The following ZNF385D variants were observed in gnomAD, a reference collection of about 807,000 sequenced individuals.
ZNF385D encodes zinc finger protein 385D.
Under a neutral mutation model 35.8 loss-of-function variants are expected in ZNF385D, and 15 were observed. The observed-to-expected ratio is 0.42, with a 90% CI of 0.28 to 0.64. The LOEUF (loss-of-function observed/expected upper bound fraction) is 0.64, where lower values mean the gene tolerates loss of function less well. ZNF385D is among the 30% of genes least tolerant of loss of function. ZNF385D has a pLI of 0.23. For synonymous variants in ZNF385D, 212 were observed against 186.8 expected, an observed-to-expected ratio of 1.13 and a Z score of -1.10; for missense variants, 474 against 494.6, an observed-to-expected ratio of 0.96 and a Z score of 0.39.
intron 3 of ZNF385D, among the ~76,000 whole-genome samples, chr3:21,858,576 G>T (rs1296982113): frequency 4.0e-5 from 6 of 151,668 alleles, no homozygotes; most frequent in South Asian, 2.1e-4. Context: ...CAGTGAGAAG[G>T]CACCGAATAT....
chr3:22,357,511 A>C (rs1197739864), intron 2 of ZNF385D, among the ~76,000 whole-genome samples: 1 of 151,942 alleles, frequency 6.6e-6, no homozygotes, highest in South Asian at 2.1e-4. Context: ...TTATGTCTTT[A>C]CAGTATTTTA....
chr3:21,660,829 TGATA>T (rs900194278), intron 2 of ZNF385D, among the ~76,000 whole-genome samples: 2 of 152,208 alleles, frequency 1.3e-5, no homozygotes, highest in Admixed American at 1.3e-4. Context: ...ACTGGGGCTC[TGATA>T]GATTTAGCCT....
At chr3:22,271,111 C>A (rs1311526377) in intron 2 of ZNF385D, among the ~76,000 whole-genome samples, 1 of 151,900 alleles carries the variant, frequency 6.6e-6, no homozygotes, top group African/African-American at 2.4e-5. Flanking sequence ...GCCATCTATC[C>A]ATAAATTCAG....
At chr3:21,896,028 C>T (rs951592244) in intron 3 of ZNF385D, among the ~76,000 whole-genome samples, 10 of 152,104 alleles carry the variant, frequency 6.6e-5, no homozygotes, top group Admixed American at 5.9e-4. Flanking sequence ...ACTTGGGCCA[C>T]ATTAAAGTAA....
chr3:21,691,305 C>T (rs2067277607), intron 1 of ZNF385D, among the ~76,000 whole-genome samples: 3 of 152,136 alleles, frequency 2.0e-5, no homozygotes, highest in South Asian at 4.1e-4. Context: ...TTAGCTGCTT[C>T]CTCTCTGCTA....
At chr3:22,344,867 CTATT>C (rs1354606598) in intron 2 of ZNF385D, among the ~76,000 whole-genome samples, 1 of 152,150 alleles carries the variant, frequency 6.6e-6, no homozygotes, top group South Asian at 2.1e-4. Flanking sequence ...ACCAACTAAA[CTATT>C]TAAACTTCAA....
intron 1 of ZNF385D, among the ~76,000 whole-genome samples, chr3:21,749,424 A>G (rs2125550780): frequency 6.6e-6 from 1 of 152,304 alleles, no homozygotes; most frequent in Non-Finnish European, 1.5e-5. Context: ...GAAAATATAA[A>G]CTAAAATTAT....
Position 22,097,665 on chromosome 3 carries a change from G to A in ZNF385D, c.325+71152C>T, listed in dbSNP as rs1406807829. Reference sequence around the variant, plus strand: ...GAAAGGCCAGTATGTGATTTTCATAGGTCCATACATGGGAAATCATGCAGA... The same window carrying A: ...GAAAGGCCAGTATGTGATTTTCATAAGTCCATACATGGGAAATCATGCAGA... On this transcript the variant is annotated intron_variant, in intron 3 of 5. Coordinates refer to the ZNF385D transcript ENST00000494108. Among the ~76,000 whole-genome samples, 6 of 152,036 alleles carry A rather than the reference G, an allele frequency of 3.9e-5. No homozygotes were observed. The East Asian group carries it at 1.2e-3, about 29-fold the overall frequency.
chr3:21,855,634 C>A (rs557691229), intron 3 of ZNF385D, among the ~76,000 whole-genome samples: 6 of 151,986 alleles, frequency 3.9e-5, no homozygotes, highest in Admixed American at 6.6e-5. Flanking sequence ...CCAATATAGA[C>A]CTGGAGCTCT....
In ZNF385D at chr3:21,510,925, G is replaced by C. The variant is rs1707155495; in HGVS notation, c.375C>G (p.Asp125Glu). Residue 125 changes from aspartate to glutamate, a missense_variant, in exon 4 of 8, where the codon GAC becomes GAG. Coordinates refer to ENST00000281523, the MANE Select transcript of ZNF385D (RefSeq NM_024697.3). The stretch of plus-strand genomic sequence containing the variant: ...TGGAGGTGAAGGTAGTCTTTGCGCT[G>C]TCCTTGGCAGTTACAGATTTCTGCT... Reference protein sequence around the residue: ...KNKQKSVTAKDSAKTTFTSIT... With the variant: ...KNKQKSVTAKESAKTTFTSIT... 1 of 1,614,024 alleles carries C rather than the reference G, an allele frequency of 6.2e-7. No homozygotes were observed. The highest frequency in any genetic ancestry group is 1.1e-5 in the South Asian group (1 of 91,088).
chr3:21,733,771 G>C (rs1225047934), intron 1 of ZNF385D, among the ~76,000 whole-genome samples: 1 of 152,114 alleles, frequency 6.6e-6, no homozygotes, highest in Non-Finnish European at 1.5e-5. Context: ...AGTGTAAGAA[G>C]TGAAATAGGA....
chr3:22,107,805 T>G (rs1386056490), intron 3 of ZNF385D, among the ~76,000 whole-genome samples: 3 of 152,028 alleles, frequency 2.0e-5, no homozygotes, highest in Non-Finnish European at 4.4e-5. Context: ...TTAATAGTGC[T>G]TGTTTATGTC....
chr3:21,864,089 G>T (rs1410243302), intron 3 of ZNF385D, among the ~76,000 whole-genome samples: 1 of 151,838 alleles, frequency 6.6e-6, no homozygotes, highest in African/African-American at 2.4e-5. Flanking sequence ...CTCTACCGAT[G>T]AATATAGTTG....
Position 22,107,184 on chromosome 3 carries a change from T to C in ZNF385D, c.325+61633A>G, listed in dbSNP as rs567812200. On this transcript the variant is annotated intron_variant, in intron 3 of 5. Coordinates refer to the ZNF385D transcript ENST00000494108. ...GATTACAGGCATGTGCCACCACACC[T>C]AGCTAATTTTTTATTCTTAATAGAG... 4.5e-3 allele frequency among the ~76,000 whole-genome samples: 676 copies of C among 151,884 alleles called. 3 individuals are homozygous for C. Among genetic ancestry groups the C allele is most frequent in the African/African-American group, 0.016 (652 of 41,462 alleles).
chr3:22,137,513 C>A (rs1704222073), intron 3 of ZNF385D, among the ~76,000 whole-genome samples: 1 of 152,090 alleles, frequency 6.6e-6, no homozygotes. Context: ...AAGGCTGGTT[C>A]AACATGTGAA....
At chr3:22,341,685 C>A (rs752731341) in intron 2 of ZNF385D, among the ~76,000 whole-genome samples, 2 of 152,108 alleles carry the variant, frequency 1.3e-5, no homozygotes, top group African/African-American at 2.4e-5. Flanking sequence ...ATAGTCATAT[C>A]TTTTGGAGGC....
chr3:22,334,693 G>A (rs1336766281), intron 2 of ZNF385D, among the ~76,000 whole-genome samples: 1 of 152,004 alleles, frequency 6.6e-6, no homozygotes, highest in East Asian at 1.9e-4. Flanking sequence ...CATTGTTTTT[G>A]TTGAGAAGTG....
chr3:21,671,586 C>A (rs1048352636), intron 1 of ZNF385D, among the ~76,000 whole-genome samples: 1 of 152,022 alleles, frequency 6.6e-6, no homozygotes, highest in African/African-American at 2.4e-5. Flanking sequence ...CAGAAAGAAA[C>A]TGAACAACTC....
intron 3 of ZNF385D, among the ~76,000 whole-genome samples, chr3:21,843,570 T>C (rs1378878623): frequency 6.6e-6 from 1 of 151,978 alleles, no homozygotes; most frequent in African/African-American, 2.4e-5. Context: ...CCAACCAAAA[T>C]GTATTAATAT....
Sources: gnomAD v4.1 joint callset for allele counts (sites outside exome capture counted in the v4.1 genomes callset) on GRCh38, gnomAD v4.1.1 for gene constraint, MANE v1.5 for transcripts, NCBI Gene and HGNC (gene_info 2026-07-23, HGNC 2026-07-21) for gene names.